The following ATXN1L variants were observed in gnomAD, a reference collection of about 807,000 sequenced individuals.
ATXN1L encodes the protein ataxin-1-like.
In ATXN1L, 8 loss-of-function variants were observed where a neutral mutation model predicts 43.4. That is an observed-to-expected ratio of 0.18 (90% CI 0.11 to 0.33). The LOEUF is 0.33. Ranked by LOEUF, ATXN1L falls within the 10% of genes least tolerant of loss-of-function variation. The probability of loss-of-function intolerance (pLI) is 1.00; values close to 1 mark genes in which losing one functional copy is unlikely to be tolerated. For missense variants in ATXN1L, 856 were observed against 885.4 expected (o/e 0.97, Z 0.42); for synonymous variants, 379 against 360.6 (o/e 1.05, Z -0.58).
rs1468219656 is a variant in ATXN1L, at chr16:71,850,997, C to T, written c.1257C>T (p.Asn419=). The change falls in exon 3 of 3, where the codon AAC becomes AAT. Residue 419 remains asparagine (N), a synonymous_variant. Coordinates refer to ENST00000427980, the MANE Select transcript of ATXN1L (RefSeq NM_001137675.4). ...LPKAMVVANG[N]LVPTGTDSGL... ...AAGCAATGGTTGTAGCCAATGGCAACCTGGTGCCCACTGGAACTGACTCAG... is the reference window on the plus strand; with the variant it reads ...AAGCAATGGTTGTAGCCAATGGCAATCTGGTGCCCACTGGAACTGACTCAG... 3.9e-6 allele frequency: 6 copies of T among 1,551,726 alleles called. No individual in the cohort carries two copies. Among genetic ancestry groups the T allele is most frequent in the Non-Finnish European group, 5.2e-6 (6 of 1,146,998 alleles).
chr16:71,854,411 A>G lies in ATXN1L; in HGVS notation c.*2601A>G, dbSNP rs551410452. The G allele has an allele frequency of 9.6e-5, 16 of 167,168 alleles. No individual in the cohort carries two copies. The highest frequency in any genetic ancestry group is 3.6e-4 in the African/African-American group (15 of 41,572). 10.4% of individuals were successfully genotyped at this position (167,168 alleles called of 1,614,324 possible). On this transcript the variant is annotated 3_prime_UTR_variant, in exon 3 of 3. Coordinates refer to ENST00000427980, the MANE Select transcript of ATXN1L (RefSeq NM_001137675.4). ...TACCAGCAGTTCCTGTAATACCACA[A>G]TATCGTTCCATGCATATATAACATA...
At position 71,852,309 on chromosome 16, in the gene ATXN1L, T is replaced by C. The variant is rs1480693079; in HGVS notation, c.*499T>C. 6.0e-6 allele frequency: 1 copy of C among 167,286 alleles called. No homozygotes were observed. Among genetic ancestry groups the C allele is most frequent in the East Asian group, 1.9e-4 (1 of 5,204 alleles). The allele number at this position is 167,286 out of a possible 1,614,324, so 10.4% of individuals were successfully genotyped here. A position where few individuals can be genotyped will look rare whatever the true frequency, so the allele number is the denominator to read the frequency against. ...AGAGGGTTCCCACCCAGAACCCTTC[T>C]TGTGAGAGATGCGCACTTTAAAGGG... is the stretch of plus-strand genomic sequence containing the variant. On this transcript the variant is annotated 3_prime_UTR_variant, in exon 3 of 3. Transcript: ENST00000427980.
At position 71,845,995 on chromosome 16, in the gene ATXN1L, TG is replaced by T. The variant is rs1162101503; in HGVS notation, c.-283del. 1.2e-5 allele frequency: 2 copies of T among 163,166 alleles called. No individual in the cohort carries two copies. Among genetic ancestry groups the T allele is most frequent in the Non-Finnish European group, 2.7e-5 (2 of 74,242 alleles). The allele number at this position is 163,166 out of a possible 1,614,324, so 10.1% of individuals were successfully genotyped here. On this transcript the variant is annotated 5_prime_UTR_variant, in exon 1 of 3. Transcript: ENST00000427980. The stretch of plus-strand genomic sequence containing the variant: ...GACGCCATCTCCGGGCGCCCGGCTG[TG>T]GGGGGCGCTGGGTGTGGGGCGGCTC...
rs1321266893 is a variant in ATXN1L at position 71,856,399 on chromosome 16, CATTT to C, written c.*4594_*4597del. 2 of 167,068 alleles carry C rather than the reference CATTT, an allele frequency of 1.2e-5. No individual in the cohort carries two copies. The highest frequency in any genetic ancestry group is 2.4e-5 in the African/African-American group (1 of 41,430). 10.3% of individuals were successfully genotyped at this position (167,068 alleles called of 1,614,324 possible). On this transcript the variant is annotated 3_prime_UTR_variant, in exon 3 of 3. Coordinates refer to ENST00000427980, the MANE Select transcript of ATXN1L (RefSeq NM_001137675.4). ...CTTTACCTGTTGTCAAACTTGCAAG[CATTT>C]ATTTGTCTTTATGACTGTCATGGGG...
chr16:71,853,450 T>C lies in ATXN1L; in HGVS notation c.*1640T>C, dbSNP rs576184678. 4.1e-4 allele frequency: 69 copies of C among 167,196 alleles called. No individual in the cohort carries two copies. Among genetic ancestry groups the C allele is most frequent in the African/African-American group, 1.3e-3 (56 of 41,570 alleles). 10.4% of individuals were successfully genotyped at this position (167,196 alleles called of 1,614,324 possible). On this transcript the variant is annotated 3_prime_UTR_variant, in exon 3 of 3. Transcript: ENST00000427980. ...GGTATTGTCCACGCAGCTCTCTGGTTAGACTTCTCCCAGGCTATGATCCTG... is the reference window on the plus strand; with the variant it reads ...GGTATTGTCCACGCAGCTCTCTGGTCAGACTTCTCCCAGGCTATGATCCTG...
chr16:71,847,843 C>T (rs1047336335), intron 1 of ATXN1L, among the ~76,000 whole-genome samples, 167 bp from the exon 2 acceptor site: 1 of 152,144 alleles, frequency 6.6e-6, no homozygotes, highest in Non-Finnish European at 1.5e-5. Flanking sequence ...GTTTTTCTCT[C>T]TGTTCAACTG....
chr16:71,848,568 A>G (rs2033466926), intron 2 of ATXN1L: 1 of 152,872 alleles, frequency 6.5e-6, no homozygotes, highest in Admixed American at 6.5e-5. Context: ...TTTGGTGAAG[A>G]GGAGAAACAA....
rs1201536723 is a variant in ATXN1L at position 71,852,308 on chromosome 16, C to T, written c.*498C>T. 2 of 167,260 alleles carry T rather than the reference C, an allele frequency of 1.2e-5. No homozygotes were observed. The highest frequency in any genetic ancestry group is 4.8e-5 in the African/African-American group (2 of 41,444). 10.4% of individuals were successfully genotyped at this position (167,260 alleles called of 1,614,324 possible). On this transcript the variant is annotated 3_prime_UTR_variant, in exon 3 of 3. Transcript: ENST00000427980. ...AAGAGGGTTCCCACCCAGAACCCTT[C>T]TTGTGAGAGATGCGCACTTTAAAGG...
chr16:71,848,652 G>A (rs2033467757), intron 2 of ATXN1L, among the ~76,000 whole-genome samples: 1 of 150,918 alleles, frequency 6.6e-6, no homozygotes, highest in South Asian at 2.1e-4. Context: ...ATGGGTCAAA[G>A]ATGTTAATTT....
Position 71,850,052 on chromosome 16 carries a change from T to C in ATXN1L, c.312T>C (p.Ser104=). The C allele has an allele frequency of 6.4e-7, 1 of 1,551,508 alleles. No individual in the cohort carries two copies. ...GACTCCCATCTGTGGTGAATATGAG[T>C]CCCTTGCCCCCAACGTTTAATGTAG... ...PTGLPSVVNM[S]PLPPTFNVAS... is the part of the protein sequence containing the mutation. The change falls in exon 3 of 3, where the codon AGT becomes AGC. Residue 104 remains serine (S), a synonymous_variant. Transcript: ENST00000427980.
Position 71,849,686 on chromosome 16 carries a change from A to G in ATXN1L, c.-55A>G. ...GGAAGCTACAGAGAAGCCCCTTCTG[A>G]TGCCCCAGGGAGCAAGTCGACTCCT... On this transcript the variant is annotated 5_prime_UTR_variant, in exon 3 of 3. The change abolishes an upstream ATG in the 5' untranslated region. Transcript: ENST00000427980. 1.4e-6 allele frequency: 2 copies of G among 1,452,868 alleles called. No individual in the cohort carries two copies. The highest frequency in any genetic ancestry group is 1.8e-6 in the Non-Finnish European group (2 of 1,099,844). The allele number at this position is 1,452,868 out of a possible 1,614,324, so 90.0% of individuals were successfully genotyped here.
Position 71,851,522 on chromosome 16 carries a change from CTG to C in ATXN1L, c.1785_1786del (p.Ala596SerfsTer13). 1 of 1,551,634 alleles carries C rather than the reference CTG, an allele frequency of 6.4e-7. No homozygotes were observed. Among genetic ancestry groups the C allele is most frequent in the Non-Finnish European group, 8.7e-7 (1 of 1,146,974 alleles). ...ACAGTAACTCAGTTTCTCAGGCCAG[CTG>C]TGCTCCCCCAAGCCAGCTGGGTCCC... ...LNSNSVSQAS[C>X]APPSQLGPPR... is the part of the protein sequence containing the mutation. On this transcript the variant is annotated frameshift_variant, in exon 3 of 3. Transcript: ENST00000427980. LOFTEE classifies it high-confidence loss of function. This position sits in a 1 kb window ranked among gnomAD's most constrained non-coding sequence, Gnocchi z 4.9.
intron 1 of ATXN1L, among the ~76,000 whole-genome samples, chr16:71,846,446 C>G (rs1319379666): frequency 6.6e-6 from 1 of 152,230 alleles, no homozygotes; most frequent in Non-Finnish European, 1.5e-5. Flanking sequence ...CGCAGAATTC[C>G]CAATTTCGAG....
Position 71,846,108 on chromosome 16 carries a change from A to G in ATXN1L, c.-180+4A>G. 1.0e-5 allele frequency: 2 copies of G among 195,852 alleles called. No individual in the cohort carries two copies. The highest frequency in any genetic ancestry group is 6.1e-5 in the South Asian group (1 of 16,298). 12.1% of individuals were successfully genotyped at this position (195,852 alleles called of 1,614,324 possible). ...GGAAGCGCTGTGAAATGGGCTGGTG[A>G]GTGTCCCTGGAAGTGGTGGCCGCCG... On this transcript the variant is annotated splice_donor_region_variant and intron_variant, in intron 1 of 2. Transcript: ENST00000427980.
In ATXN1L at chr16:71,851,160, A is replaced by G. The variant is rs2033498124; in HGVS notation, c.1420A>G (p.Ile474Val). The G allele has an allele frequency of 1.9e-6, 3 of 1,551,484 alleles. No homozygotes were observed. The highest frequency in any genetic ancestry group is 2.0e-5 in the Admixed American group (1 of 50,972). Residue 474 changes from isoleucine to valine, a missense_variant, in exon 3 of 3, where the codon ATC becomes GTC. Physicochemically the swap from Ile to Val is conservative, Grantham distance 29. Transcript: ENST00000427980. This position sits in a 1 kb window ranked among gnomAD's most constrained non-coding sequence, Gnocchi z 4.9. ...HLPSHFMKGA[I>V]IQLATGELKR... ...GCCTTCCCATTTCATGAAAGGCGCC[A>G]TCATCCAGCTGGCTACGGGAGAGCT...
rs2033504626 is a variant in ATXN1L, at chr16:71,851,659, C to G, written c.1919C>G (p.Pro640Arg). ...TCCCGTGTGGTAGAGCCTTCCCAGCCTGAGTCCGGTGCTCAGGCCTGCTGG... is the reference window on the plus strand; with the variant it reads ...TCCCGTGTGGTAGAGCCTTCCCAGCGTGAGTCCGGTGCTCAGGCCTGCTGG... ...EGSRVVEPSQ[P>R]ESGAQACWPA... The change falls in exon 3 of 3, where the codon CCT (proline) becomes CGT (arginine). Residue 640 changes from proline (P) to arginine (R), a missense_variant. Physicochemically the swap from Pro to Arg is moderately radical, Grantham distance 103. Coordinates refer to ENST00000427980, the MANE Select transcript of ATXN1L (RefSeq NM_001137675.4). This position sits in a 1 kb window ranked among gnomAD's most constrained non-coding sequence, Gnocchi z 4.9. 2.0e-6 allele frequency: 3 copies of G among 1,518,998 alleles called. No homozygotes were observed. Among genetic ancestry groups the G allele is most frequent in the Non-Finnish European group, 8.9e-7 (1 of 1,127,792 alleles). 94.1% of individuals were successfully genotyped at this position (1,518,998 alleles called of 1,614,324 possible).
In ATXN1L at chr16:71,851,908, T is replaced by G; in HGVS notation, c.*98T>G. On this transcript the variant is annotated 3_prime_UTR_variant, in exon 3 of 3. Coordinates refer to ENST00000427980, the MANE Select transcript of ATXN1L (RefSeq NM_001137675.4). This position sits in a 1 kb window ranked among gnomAD's most constrained non-coding sequence, Gnocchi z 4.9. ...TGCACACGCCGAGCAGGGAATGGCT[T>G]TCTTGGCAGTGAGATTTGGGGGAAA... is the stretch of plus-strand genomic sequence containing the variant. 1.5e-6 allele frequency: 2 copies of G among 1,292,876 alleles called. No individual in the cohort carries two copies. Among genetic ancestry groups the G allele is most frequent in the East Asian group, 2.8e-5 (1 of 36,172 alleles). The allele number at this position is 1,292,876 out of a possible 1,614,324, so 80.1% of individuals were successfully genotyped here.
In ATXN1L at chr16:71,853,812, T is replaced by TG. The variant is rs890876461; in HGVS notation, c.*2007dup. The TG allele has an allele frequency of 6.0e-6, 1 of 167,122 alleles. No individual in the cohort carries two copies. The highest frequency in any genetic ancestry group is 1.5e-5 in the Non-Finnish European group (1 of 68,144). 10.4% of individuals were successfully genotyped at this position (167,122 alleles called of 1,614,324 possible). ...GCAGTTTGCCTGGTCAGTCAGCTTT[T>TG]GGGGGTCCATCAAAGGAGGTTGCTG... On this transcript the variant is annotated 3_prime_UTR_variant, in exon 3 of 3. Coordinates refer to ENST00000427980, the MANE Select transcript of ATXN1L (RefSeq NM_001137675.4).
At chr16:71,847,028 GTAA>G (rs1235962418) in intron 1 of ATXN1L, among the ~76,000 whole-genome samples, 1 of 152,166 alleles carries the variant, frequency 6.6e-6, no homozygotes, top group Non-Finnish European at 1.5e-5. Flanking sequence ...ATGCCACTGT[GTAA>G]TAATATGTGT....
Sources: gnomAD v4.1 joint callset for allele counts (sites outside exome capture counted in the v4.1 genomes callset) on GRCh38, gnomAD v4.1.1 for gene constraint, Gnocchi (gnomAD v3.1) non-coding constraint, MANE v1.5 for transcripts, NCBI Gene and HGNC (gene_info 2026-07-23, HGNC 2026-07-21) for gene names.